The following ABCB1 variants were observed in gnomAD, a reference collection of about 807,000 sequenced individuals.
The protein encoded by ABCB1 is ATP-dependent translocase ABCB1.
A neutral mutation model predicts 142.0 loss-of-function variants in ABCB1; 69 were observed. That is an observed-to-expected ratio of 0.49 (90% CI 0.40 to 0.59). ABCB1 has a LOEUF of 0.59. ABCB1 is among the 20% of genes least tolerant of loss of function. ABCB1 has a pLI of 0.00. For synonymous variants in ABCB1, 532 were observed against 539.2 expected, an observed-to-expected ratio of 0.99 and a Z score of 0.18; for missense variants, 1,326 against 1,554.7, an observed-to-expected ratio of 0.85 and a Z score of 2.47.
chr7:87,685,766 C>T (rs1338414373), intron 1 of ABCB1, among the ~76,000 whole-genome samples: 2 of 151,974 alleles, frequency 1.3e-5, no homozygotes. Context: ...TACATGACTC[C>T]CTCTATTTTT....
intron 1 of ABCB1, among the ~76,000 whole-genome samples, chr7:87,647,295 CT>C (rs200339290): frequency 0.013 from 2,036 of 152,208 alleles, 43 homozygotes; most frequent in African/African-American, 0.046. Context: ...TTTCCATTCT[CT>C]TTTGTTGTTG....
intron 3 of ABCB1, among the ~76,000 whole-genome samples, chr7:87,593,123 T>C (rs1819063392): frequency 6.6e-6 from 1 of 152,062 alleles, no homozygotes; most frequent in Admixed American, 6.5e-5. Context: ...GACAGGGTTT[T>C]GTCATGTTGC....
chr7:87,666,217 A>G (rs1007471876), intron 1 of ABCB1, among the ~76,000 whole-genome samples: 1 of 151,910 alleles, frequency 6.6e-6, no homozygotes, highest in Non-Finnish European at 1.5e-5. Context: ...TGTGGTTTTG[A>G]TTTGCATTTT....
At chr7:87,675,125 C>T (rs773349963) in intron 1 of ABCB1, among the ~76,000 whole-genome samples, 31 of 152,140 alleles carry the variant, frequency 2.0e-4, no homozygotes, top group Non-Finnish European at 1.0e-4. Context: ...TGCCTTTTCC[C>T]CAGAAGATGC....
intron 4 of ABCB1, among the ~76,000 whole-genome samples, chr7:87,578,065 A>G (rs1818347703): frequency 6.6e-6 from 1 of 152,220 alleles, no homozygotes; most frequent in Admixed American, 6.5e-5. Context: ...CATAGATTTA[A>G]GTCTTTAATC....
Position 87,549,604 on chromosome 7 carries a change from C to T in ABCB1, c.1555-86G>A, listed in dbSNP as rs890659182. On this transcript the variant is annotated intron_variant, in intron 13 of 27. Coordinates refer to ENST00000622132, the MANE Select transcript of ABCB1 (RefSeq NM_001348946.2). ...AATTGGTAAGGAATCCTATACACAG[C>T]CCAAGTCTCACAAGTAATACAGGTC... is the stretch of plus-strand genomic sequence containing the variant. 6.3e-6 allele frequency: 10 copies of T among 1,588,430 alleles called. No homozygotes were observed. In the Admixed American group the frequency reaches 1.0e-4, roughly 16 times the overall value.
intron 3 of ABCB1, among the ~76,000 whole-genome samples, chr7:87,588,165 T>A (rs1020662025): frequency 1.3e-5 from 2 of 152,004 alleles, no homozygotes; most frequent in African/African-American, 2.4e-5. Flanking sequence ...TGTTTTTTTT[T>A]TTATTATTTT....
At chr7:87,685,560 G>T (rs569917007) in intron 1 of ABCB1, among the ~76,000 whole-genome samples, 25 of 152,112 alleles carry the variant, frequency 1.6e-4, no homozygotes, top group Non-Finnish European at 2.6e-4. Flanking sequence ...ATACATTATG[G>T]CTAAATGAAA....
intron 3 of ABCB1, among the ~76,000 whole-genome samples, chr7:87,590,440 CATACATGGTA>C (rs1818953673): frequency 6.6e-6 from 1 of 152,168 alleles, no homozygotes; most frequent in Non-Finnish European, 1.5e-5. Context: ...GGAGAAAAGC[CATACATGGTA>C]TGACACAGAG....
At chr7:87,646,750 G>A (rs1238931040) in intron 1 of ABCB1, among the ~76,000 whole-genome samples, 3 of 142,742 alleles carry the variant, frequency 2.1e-5, no homozygotes, top group African/African-American at 7.6e-5. Flanking sequence ...GGGATTGGCA[G>A]CATTATTCTT....
intron 1 of ABCB1, among the ~76,000 whole-genome samples, chr7:87,674,539 C>T (rs1247728069): frequency 6.6e-6 from 1 of 152,004 alleles, no homozygotes; most frequent in Non-Finnish European, 1.5e-5. Context: ...TGACATGTGC[C>T]AGCAAAGCAG....
At chr7:87,618,984 T>C (rs557632199) in intron 1 of ABCB1, among the ~76,000 whole-genome samples, 11 of 152,258 alleles carry the variant, frequency 7.2e-5, no homozygotes, top group African/African-American at 2.4e-4. Context: ...GAGTCTCCAG[T>C]TGAGGACATA....
intron 1 of ABCB1, among the ~76,000 whole-genome samples, chr7:87,706,565 A>G (rs950777052): frequency 2.0e-5 from 3 of 152,210 alleles, no homozygotes; most frequent in African/African-American, 7.2e-5. Context: ...GGGAGCAACC[A>G]AGGCATGAGA....
intron 21 of ABCB1, among the ~76,000 whole-genome samples, chr7:87,524,680 A>G (rs1008532221): frequency 6.6e-6 from 1 of 152,144 alleles, no homozygotes; most frequent in Non-Finnish European, 1.5e-5. Flanking sequence ...GCACATGTAT[A>G]CATATGTAAC....
At chr7:87,568,309 T>A (rs1817878398) in intron 5 of ABCB1, among the ~76,000 whole-genome samples, 2 of 137,344 alleles carry the variant, frequency 1.5e-5, no homozygotes, top group South Asian at 5.1e-4. Context: ...TAATCCCAGC[T>A]ACTCAGGAGG....
chr7:87,529,290 C>T (rs1815928812), intron 21 of ABCB1, among the ~76,000 whole-genome samples: 1 of 152,248 alleles, frequency 6.6e-6, no homozygotes, highest in Non-Finnish European at 1.5e-5. Context: ...TAAATTAGAT[C>T]AAGTATTTAG....
rs1229714180 is a variant in ABCB1 at position 87,600,133 on chromosome 7, T to TA, written c.51dup (p.Lys18Ter). On this transcript the variant is annotated frameshift_variant, in exon 2 of 28. Coordinates refer to ENST00000622132, the MANE Select transcript of ABCB1 (RefSeq NM_001348946.2). LOFTEE classifies it high-confidence loss of function. ...GCTAGTTACCTTTTATTGTTCAGTT[T>TA]AAAAAAGTTCTTCTTCTTTGCTCCT... 1 of 1,614,008 alleles carries TA rather than the reference T, an allele frequency of 6.2e-7. No individual in the cohort carries two copies. The highest frequency in any genetic ancestry group is 8.5e-7 in the Non-Finnish European group (1 of 1,179,892).
chr7:87,611,644 A>G (rs1478837006), intron 1 of ABCB1, among the ~76,000 whole-genome samples: 1 of 152,006 alleles, frequency 6.6e-6, no homozygotes, highest in Non-Finnish European at 1.5e-5. Context: ...TAGGTTGATT[A>G]CATGTCTTTG....
At chr7:87,647,672 A>G (rs113051381) in intron 1 of ABCB1, among the ~76,000 whole-genome samples, 1 of 152,198 alleles carries the variant, frequency 6.6e-6, no homozygotes. Flanking sequence ...TTGAATTACC[A>G]TTGTAATTCA....
Sources: allele counts gnomAD v4.1 joint callset (sites outside exome capture counted in the v4.1 genomes callset), GRCh38; gene constraint gnomAD v4.1.1; transcripts MANE v1.5; gene names NCBI Gene and HGNC (gene_info 2026-07-23, HGNC 2026-07-21).